LRRC4C: variants seen among roughly 807,000 people sequenced by gnomAD.
LRRC4C encodes the protein leucine-rich repeat-containing protein 4C.
LRRC4C carries 5 observed loss-of-function variants against 33.6 expected under a neutral mutation model. The observed-to-expected ratio is 0.15, with a 90% CI of 0.08 to 0.31. The LOEUF (loss-of-function observed/expected upper bound fraction) is 0.31. LRRC4C is among the 10% of genes least tolerant of loss of function. LRRC4C has a pLI of 1.00. For missense variants in LRRC4C, 560 were observed against 796.7 expected (o/e 0.70, Z 3.58); for synonymous variants, 329 against 302.0 (o/e 1.09, Z -0.93).
intron 3 of LRRC4C, among the ~76,000 whole-genome samples, chr11:40,457,312 A>G (rs770223505): frequency 3.3e-5 from 5 of 152,116 alleles, no homozygotes; most frequent in Non-Finnish European, 7.4e-5. Flanking sequence ...ATAAATTCAT[A>G]CCCATTGTAT....
At chr11:41,097,115 G>A (rs1379990509) in intron 1 of LRRC4C, among the ~76,000 whole-genome samples, 1 of 152,126 alleles carries the variant, frequency 6.6e-6, no homozygotes, top group East Asian at 1.9e-4. Context: ...AGAACTTCAG[G>A]AAAGAGCCTT....
chr11:41,268,123 G>A (rs146539167), intron 1 of LRRC4C, among the ~76,000 whole-genome samples: 2 of 152,206 alleles, frequency 1.3e-5, no homozygotes, highest in East Asian at 1.9e-4. Context: ...ACTACACAAT[G>A]TCACATTCGT....
intron 1 of LRRC4C, among the ~76,000 whole-genome samples, chr11:41,204,276 A>C (rs1240644307): frequency 6.6e-6 from 1 of 152,248 alleles, no homozygotes; most frequent in Non-Finnish European, 1.5e-5. Flanking sequence ...TATATAAGGC[A>C]GAGATGGCCC....
intron 3 of LRRC4C, among the ~76,000 whole-genome samples, chr11:40,498,405 T>C (rs1344547062): frequency 2.0e-5 from 3 of 152,336 alleles, no homozygotes; most frequent in Non-Finnish European, 4.4e-5. Flanking sequence ...TTGGGAAGTT[T>C]AGTTGAACTT....
chr11:40,945,538 C>T (rs1428228388), intron 1 of LRRC4C, among the ~76,000 whole-genome samples: 2 of 152,108 alleles, frequency 1.3e-5, no homozygotes, highest in Non-Finnish European at 1.5e-5. Flanking sequence ...CCATTGGAGT[C>T]CTTACAACTC....
intron 3 of LRRC4C, among the ~76,000 whole-genome samples, chr11:40,503,312 T>C (rs1375119837): frequency 1.3e-5 from 2 of 152,352 alleles, no homozygotes; most frequent in South Asian, 2.1e-4. Context: ...ACAGTGTTCA[T>C]GCTATTTTCC....
At chr11:40,952,849 A>ACAC (rs1958762783) in intron 1 of LRRC4C, among the ~76,000 whole-genome samples, 1 of 112,714 alleles carries the variant, frequency 8.9e-6, no homozygotes, top group African/African-American at 3.7e-5. Flanking sequence ...TCTATTTCCA[A>ACAC]ACACACACAC....
Position 41,253,546 on chromosome 11 carries a change from G to A in LRRC4C, c.-496+205885C>T, listed in dbSNP as rs186649761. On this transcript the variant is annotated intron_variant, in intron 1 of 6. Coordinates refer to ENST00000528697, the MANE Select transcript of LRRC4C (RefSeq NM_001258419.2). ...GAACCACTGTGATAATAGGCTAAAA[G>A]TCTTGACCAGGGAATAAAGAGAACT... Among the ~76,000 whole-genome samples the A allele has an allele frequency of 2.2e-3, 330 of 152,162 alleles. 2 individuals are homozygous for A. Among genetic ancestry groups the A allele is most frequent in the African/African-American group, 7.6e-3 (315 of 41,540 alleles).
At chr11:41,444,879 C>T (rs1459216773) in intron 1 of LRRC4C, among the ~76,000 whole-genome samples, 1 of 151,576 alleles carries the variant, frequency 6.6e-6, no homozygotes, top group Non-Finnish European at 1.5e-5. Context: ...TCTCAGCTCA[C>T]TGCAACCTCC....
intron 2 of LRRC4C, among the ~76,000 whole-genome samples, chr11:40,889,758 C>T (rs1012441068): frequency 1.3e-5 from 2 of 152,058 alleles, no homozygotes; most frequent in South Asian, 2.1e-4. Flanking sequence ...GATATCGTCA[C>T]ATTCTGTTTA....
At chr11:40,199,357 C>A (rs1590687561) in intron 5 of LRRC4C, among the ~76,000 whole-genome samples, 1 of 152,160 alleles carries the variant, frequency 6.6e-6, no homozygotes, top group Non-Finnish European at 1.5e-5. Context: ...AGTAGTGAAC[C>A]ACTGCGCCCA....
At chr11:40,727,906 G>A (rs560522876) in intron 2 of LRRC4C, among the ~76,000 whole-genome samples, 8 of 152,066 alleles carry the variant, frequency 5.3e-5, no homozygotes, top group Middle Eastern at 3.4e-3. Flanking sequence ...ACAATGAGCC[G>A]AGTGTGATAA....
At chr11:41,104,301 G>T (rs1039628755) in intron 1 of LRRC4C, among the ~76,000 whole-genome samples, 1 of 151,842 alleles carries the variant, frequency 6.6e-6, no homozygotes, top group Admixed American at 6.6e-5. Flanking sequence ...ATGAGCAACA[G>T]ATTTGAATAT....
chr11:40,861,495 G>A (rs1265679080), intron 2 of LRRC4C, among the ~76,000 whole-genome samples: 1 of 152,146 alleles, frequency 6.6e-6, no homozygotes, highest in Non-Finnish European at 1.5e-5. Flanking sequence ...TGAGGTTTAT[G>A]GAAAATCTGA....
At chr11:40,920,817 A>G (rs997476445) in intron 2 of LRRC4C, among the ~76,000 whole-genome samples, 7 of 152,124 alleles carry the variant, frequency 4.6e-5, no homozygotes, top group African/African-American at 1.4e-4. Context: ...ATTCTAGACC[A>G]TGTGACTATA....
chr11:41,343,862 A>G (rs1951716798), intron 1 of LRRC4C, among the ~76,000 whole-genome samples: 1 of 152,216 alleles, frequency 6.6e-6, no homozygotes, highest in Non-Finnish European at 1.5e-5. Flanking sequence ...TAGATAATAA[A>G]TTTTGAGGTA....
At chr11:40,801,242 T>G in intron 2 of LRRC4C, among the ~76,000 whole-genome samples, 1 of 152,308 alleles carries the variant, frequency 6.6e-6, no homozygotes, top group African/African-American at 2.4e-5. Context: ...AGAAAAATTT[T>G]ATCTATTTTC....
intron 3 of LRRC4C, among the ~76,000 whole-genome samples, chr11:40,349,192 A>T (rs1271827888): frequency 6.6e-6 from 1 of 152,114 alleles, no homozygotes; most frequent in African/African-American, 2.4e-5. Flanking sequence ...TAATCCATTA[A>T]TCATCCCCAC....
chr11:40,467,101 C>A (rs998065803), intron 3 of LRRC4C, among the ~76,000 whole-genome samples: 2 of 152,076 alleles, frequency 1.3e-5, no homozygotes, highest in Non-Finnish European at 1.5e-5. Context: ...TTGCCAAATT[C>A]CTAGGACCTC....
Sources: allele counts gnomAD v4.1 joint callset (sites outside exome capture counted in the v4.1 genomes callset), GRCh38; gene constraint gnomAD v4.1.1; transcripts MANE v1.5; gene names NCBI Gene and HGNC (gene_info 2026-07-23, HGNC 2026-07-21).